DNAH14: variants seen among roughly 807,000 people sequenced by gnomAD.
DNAH14 encodes the protein axonemal beta dynein heavy chain 14.
DNAH14 carries 478 observed loss-of-function variants against 520.9 expected under a neutral mutation model. That is an observed-to-expected ratio of 0.92 (90% confidence interval 0.85 to 0.99). The LOEUF (loss-of-function observed/expected upper bound fraction) is 0.99. Among genes scored for constraint, DNAH14 ranks in the 50% least tolerant of loss-of-function variants. The pLI, the probability that DNAH14 is intolerant of heterozygous loss-of-function variation, is 0.00. For missense variants in DNAH14, 4,831 were observed against 5,234.5 expected (o/e 0.92, Z 2.38); for synonymous variants, 1,581 against 1,757.2 (o/e 0.90, Z 2.51).
At chr1:225,193,400 A>C (rs2149357810) in intron 38 of DNAH14, among the ~76,000 whole-genome samples, 1 of 152,188 alleles carries the variant, frequency 6.6e-6, no homozygotes, top group East Asian at 1.9e-4. Context: ...TTTAAAACCA[A>C]ACAGAGAAGC....
intron 84 of DNAH14, among the ~76,000 whole-genome samples, chr1:225,393,175 A>C (rs947036): frequency 1.3e-5 from 2 of 152,046 alleles, no homozygotes; most frequent in Admixed American, 6.5e-5. Context: ...AGTCAGAGAA[A>C]TGCAAATCAA....
chr1:225,081,485 A>G (rs2073112823), intron 19 of DNAH14, among the ~76,000 whole-genome samples: 1 of 152,208 alleles, frequency 6.6e-6, no homozygotes, highest in Non-Finnish European at 1.5e-5. Context: ...ATTTTGTTAT[A>G]TACGTGCTTC....
chr1:225,190,681 A>G (rs1403634290), intron 37 of DNAH14, among the ~76,000 whole-genome samples: 3 of 152,056 alleles, frequency 2.0e-5, no homozygotes, highest in Non-Finnish European at 4.4e-5. Flanking sequence ...TTACAAACAC[A>G]AAGTGACATT....
intron 31 of DNAH14, among the ~76,000 whole-genome samples, chr1:225,149,618 G>T (rs1004829120): frequency 6.6e-6 from 1 of 151,950 alleles, no homozygotes; most frequent in Admixed American, 6.6e-5. Flanking sequence ...TTTTCCTTAG[G>T]AGAGATCTTT....
intron 22 of DNAH14, among the ~76,000 whole-genome samples, chr1:225,099,762 G>A (rs1226516755): frequency 6.6e-6 from 1 of 152,144 alleles, no homozygotes; most frequent in Non-Finnish European, 1.5e-5. Context: ...AATGAATGGT[G>A]CAATATAGAG....
At chr1:225,132,606 T>G (rs2078542388) in intron 27 of DNAH14, among the ~76,000 whole-genome samples, 1 of 152,250 alleles carries the variant, frequency 6.6e-6, no homozygotes, top group Admixed American at 6.5e-5. Flanking sequence ...ATTTTCTTTA[T>G]CCACTCTATT....
At chr1:225,106,083 A>G (rs2076022289) in intron 23 of DNAH14, among the ~76,000 whole-genome samples, 4 of 147,004 alleles carry the variant, frequency 2.7e-5, no homozygotes, top group Non-Finnish European at 4.4e-5. Context: ...CCTGGTGGTG[A>G]CAAAATCTCT....
chr1:225,179,622 AT>A (rs1219479159), intron 36 of DNAH14, among the ~76,000 whole-genome samples: 2 of 152,178 alleles, frequency 1.3e-5, no homozygotes, highest in Non-Finnish European at 2.9e-5. Flanking sequence ...TTTAGTCTTC[AT>A]GTTAAAGATA....
intron 41 of DNAH14, among the ~76,000 whole-genome samples, chr1:225,224,753 C>T (rs2090379551): frequency 6.6e-6 from 1 of 152,214 alleles, no homozygotes; most frequent in East Asian, 1.9e-4. Flanking sequence ...ATAATTTCCT[C>T]ACTCATTCTG....
At chr1:224,946,282 C>T (rs2059823372) in intron 1 of DNAH14, among the ~76,000 whole-genome samples, 1 of 152,036 alleles carries the variant, frequency 6.6e-6, no homozygotes, top group Non-Finnish European at 1.5e-5. Context: ...GGGTGTAGGA[C>T]CCTCCGAGCC....
intron 60 of DNAH14, 55 bp downstream of exon 60, chr1:225,308,465 C>T (rs1574665077): frequency 6.8e-7 from 1 of 1,473,240 alleles, no homozygotes; most frequent in Non-Finnish European, 9.0e-7. Context: ...AAAGTATTCC[C>T]TAACCTTCAA....
chr1:225,099,990 GA>G (rs945199231), intron 22 of DNAH14, among the ~76,000 whole-genome samples: 1 of 151,578 alleles, frequency 6.6e-6, no homozygotes, highest in Non-Finnish European at 1.5e-5. Context: ...TAGGTGAACA[GA>G]AAAAAAAGAA....
At position 225,337,336 on chromosome 1, in the gene DNAH14, A is replaced by C; in HGVS notation, c.10151A>C (p.Asn3384Thr). Residue 3384 changes from asparagine to threonine, a missense_variant, in exon 67 of 86, where the codon AAT (asparagine) becomes ACT (threonine). Coordinates refer to ENST00000682510, the MANE Select transcript of DNAH14 (RefSeq NM_001367479.1). ...YSVENAILIK[N>T]GQQWPLLIDP... ...GTAGAGAATGCCATCTTGATCAAGA[A>C]TGGCCAGCAGTGGCCACTGCTGATT... 6.4e-7 allele frequency: 1 copy of C among 1,551,732 alleles called. No individual in the cohort carries two copies. The highest frequency in any genetic ancestry group is 1.2e-5 in the South Asian group (1 of 84,060).
At chr1:224,962,648 G>A (rs2060915651) in intron 4 of DNAH14, among the ~76,000 whole-genome samples, 1 of 152,160 alleles carries the variant, frequency 6.6e-6, no homozygotes, top group South Asian at 2.1e-4. Flanking sequence ...GCGAGAACCT[G>A]AGCAGAGGAC....
chr1:225,318,270 C>T (rs1190236109), intron 60 of DNAH14, among the ~76,000 whole-genome samples: 1 of 152,152 alleles, frequency 6.6e-6, no homozygotes, highest in African/African-American at 2.4e-5. Flanking sequence ...GTAATTCTAC[C>T]CTTAACTGGA....
chr1:225,054,819 C>G (rs182613489), intron 17 of DNAH14, among the ~76,000 whole-genome samples: 1 of 151,894 alleles, frequency 6.6e-6, no homozygotes, highest in African/African-American at 2.4e-5. Flanking sequence ...AATTTTTGCC[C>G]GTTGCTTTAT....
intron 84 of DNAH14, 101 bp downstream of exon 84, chr1:225,392,552 A>G: frequency 2.1e-6 from 3 of 1,408,938 alleles, no homozygotes; most frequent in Non-Finnish European, 2.9e-6. Flanking sequence ...AGCACTTACC[A>G]CATGCCAGGC....
intron 38 of DNAH14, among the ~76,000 whole-genome samples, chr1:225,194,329 G>T (rs755551715): frequency 6.6e-6 from 1 of 152,048 alleles, no homozygotes; most frequent in Non-Finnish European, 1.5e-5. Context: ...ACATAGACAA[G>T]TAGAGCAGAA....
chr1:225,266,692 G>A lies in DNAH14; in HGVS notation c.7462G>A (p.Ala2488Thr), dbSNP rs1167212463. The change falls in exon 49 of 86, where the codon GCA becomes ACA. Residue 2488 changes from alanine to threonine, a missense_variant. Transcript: ENST00000682510. ...TATGCCAGTATCAGATATGTATGGA[G>A]CACAGCCACCCCTGGAATTGATAAG... ...MNMPVSDMYG[A>T]QPPLELIRQL... 6.6e-7 allele frequency: 1 copy of A among 1,519,976 alleles called. No individual in the cohort carries two copies. The highest frequency in any genetic ancestry group is 8.8e-7 in the Non-Finnish European group (1 of 1,138,642). 94.2% of individuals were successfully genotyped at this position (1,519,976 alleles called of 1,614,324 possible).
Sources: gnomAD v4.1 joint callset for allele counts (sites outside exome capture counted in the v4.1 genomes callset) on GRCh38, gnomAD v4.1.1 for gene constraint, MANE v1.5 for transcripts, NCBI Gene and HGNC (gene_info 2026-07-23, HGNC 2026-07-21) for gene names.